TENM2: variants seen among roughly 807,000 people sequenced by gnomAD.
The protein encoded by TENM2 is teneurin transmembrane protein 2, also known as teneurin-2.
TENM2 carries 52 observed loss-of-function variants against 245.2 expected under a neutral mutation model. The observed-to-expected ratio is 0.21, with a 90% CI of 0.17 to 0.27. The LOEUF (loss-of-function observed/expected upper bound fraction) is 0.27. Ranked by LOEUF, TENM2 falls within the 10% of genes least tolerant of loss-of-function variation. The pLI, the probability that TENM2 is intolerant of heterozygous loss-of-function variation, is 1.00. For synonymous variants in TENM2, 1,363 were observed against 1,438.9 expected (o/e 0.95, Z 1.19); for missense variants, 3,046 against 3,666.8 (o/e 0.83, Z 4.37).
chr5:167,817,900 T>C (rs1333126969), intron 2 of TENM2, among the ~76,000 whole-genome samples: 1 of 152,174 alleles, frequency 6.6e-6, no homozygotes, highest in Non-Finnish European at 1.5e-5. Flanking sequence ...CCTGTCACCT[T>C]TGCCCTCCTT....
chr5:167,168,751 AT>A, the TENM2 span, among the ~76,000 whole-genome samples: 6 of 151,922 alleles, frequency 3.9e-5, no homozygotes, highest in Admixed American at 3.3e-4. Context: ...GCCTGAGTTT[AT>A]TTTTTTTAAT....
chr5:167,425,145 A>G (rs762942243), intron 2 of TENM2, among the ~76,000 whole-genome samples: 1 of 152,220 alleles, frequency 6.6e-6, no homozygotes, highest in Non-Finnish European at 1.5e-5. Flanking sequence ...TATAAATATG[A>G]GAGTTCAAAG....
In TENM2 at chr5:167,576,418, A is replaced by G. The variant is rs1342472482; in HGVS notation, c.502+200945A>G. 1.9e-4 allele frequency among the ~76,000 whole-genome samples: 29 copies of G among 152,032 alleles called. 1 individual carries two copies. The highest frequency in any genetic ancestry group is 1.8e-3 in the Admixed American group (28 of 15,262). The stretch of plus-strand genomic sequence containing the variant: ...ATTCTTCTCCCCAAACTCTGCTGAT[A>G]GCATTTTGCATAATTTGCTAATTAA... On this transcript the variant is annotated intron_variant, in intron 2 of 28. Transcript: ENST00000518659.
intron 2 of TENM2, among the ~76,000 whole-genome samples, chr5:167,420,082 C>T (rs1156552625): frequency 1.3e-5 from 2 of 152,180 alleles, no homozygotes; most frequent in Non-Finnish European, 2.9e-5. Flanking sequence ...TTATACTTTG[C>T]AAAAGGTCAC....
At chr5:167,021,668 A>G in the TENM2 span, among the ~76,000 whole-genome samples, 1 of 152,232 alleles carries the variant, frequency 6.6e-6, no homozygotes, top group Non-Finnish European at 1.5e-5. Flanking sequence ...TCTTTGTCTC[A>G]GTGTTCTGTA....
chr5:167,809,573 T>G (rs1288574961), intron 2 of TENM2, among the ~76,000 whole-genome samples: 1 of 152,174 alleles, frequency 6.6e-6, no homozygotes, highest in Non-Finnish European at 1.5e-5. Flanking sequence ...TGGAAAAGTT[T>G]TCTGAATAGT....
intron 2 of TENM2, among the ~76,000 whole-genome samples, chr5:167,389,355 A>G (rs1459735172): frequency 6.6e-6 from 1 of 151,822 alleles, no homozygotes; most frequent in Non-Finnish European, 1.5e-5. Flanking sequence ...TGATGCATAT[A>G]TCCTTCAGTC....
the TENM2 span, among the ~76,000 whole-genome samples, chr5:167,057,413 A>T: frequency 6.6e-6 from 1 of 152,114 alleles, no homozygotes; most frequent in African/African-American, 2.4e-5. Context: ...TTGTTCAAAG[A>T]TGGGCATGGT....
At chr5:167,700,500 T>C (rs1005544866) in intron 2 of TENM2, among the ~76,000 whole-genome samples, 9 of 152,074 alleles carry the variant, frequency 5.9e-5, no homozygotes, top group Admixed American at 5.2e-4. Flanking sequence ...ACCTATGAGA[T>C]TGTTAAACGT....
At chr5:168,008,106 G>A (rs1164515253) in intron 5 of TENM2, among the ~76,000 whole-genome samples, 1 of 152,192 alleles carries the variant, frequency 6.6e-6, no homozygotes, top group East Asian at 1.9e-4. Flanking sequence ...TTCAGAGAAG[G>A]GAGAAACTCC....
At chr5:167,435,736 GA>G (rs1424034289) in intron 2 of TENM2, among the ~76,000 whole-genome samples, 1 of 152,106 alleles carries the variant, frequency 6.6e-6, no homozygotes, top group Non-Finnish European at 1.5e-5. Flanking sequence ...ACTCCCTAGA[GA>G]CTTGTTGAAT....
intron 2 of TENM2, among the ~76,000 whole-genome samples, chr5:167,737,372 C>T (rs963428022): frequency 2.6e-5 from 4 of 152,120 alleles, no homozygotes; most frequent in African/African-American, 4.8e-5. Context: ...AGTGCCTGCT[C>T]GAAAGAGCCA....
intron 2 of TENM2, among the ~76,000 whole-genome samples, chr5:167,495,954 A>C (rs549795832): frequency 6.6e-6 from 1 of 152,100 alleles, no homozygotes; most frequent in South Asian, 2.1e-4. Flanking sequence ...AAGATGTTGC[A>C]AAGTATTACA....
the TENM2 span, among the ~76,000 whole-genome samples, chr5:167,198,265 A>G: frequency 6.6e-6 from 1 of 152,100 alleles, no homozygotes; most frequent in African/African-American, 2.4e-5. Flanking sequence ...AAGAAACCAG[A>G]TATCTAGAGA....
In TENM2 at chr5:168,012,382, C is replaced by T. The variant is rs539401932; in HGVS notation, c.1186+19200C>T. Among the ~76,000 whole-genome samples the T allele has an allele frequency of 3.9e-5, 6 of 152,290 alleles. No individual in the cohort carries two copies. The South Asian group carries it at 1.2e-3, about 32-fold the overall frequency. The stretch of plus-strand genomic sequence containing the variant: ...GTGAGGCCAGGCACAGAGGCTCACA[C>T]TTGTAATCGCTGCGCTTTGGGAGGC... On this transcript the variant is annotated intron_variant, in intron 5 of 28. Transcript: ENST00000518659.
intron 2 of TENM2, among the ~76,000 whole-genome samples, chr5:167,689,268 C>G (rs1275942437): frequency 6.6e-6 from 1 of 152,164 alleles, no homozygotes; most frequent in African/African-American, 2.4e-5. Context: ...GCAGCACATT[C>G]TAAAACAGTG....
the TENM2 span, among the ~76,000 whole-genome samples, chr5:167,273,533 A>T: frequency 6.6e-6 from 1 of 152,194 alleles, no homozygotes; most frequent in Non-Finnish European, 1.5e-5. Context: ...TTATTAAAAG[A>T]TGGCTATTCA....
intron 5 of TENM2, among the ~76,000 whole-genome samples, chr5:168,006,185 A>G (rs1279664286): frequency 6.6e-6 from 1 of 152,160 alleles, no homozygotes; most frequent in Non-Finnish European, 1.5e-5. Flanking sequence ...CCAGCATCCT[A>G]AGAGACTCTA....
At chr5:167,346,734 C>A (rs1396977855) in intron 1 of TENM2, among the ~76,000 whole-genome samples, 2 of 151,980 alleles carry the variant, frequency 1.3e-5, no homozygotes, top group Non-Finnish European at 2.9e-5. Context: ...AGGAATGTAG[C>A]CAGAATATTG....
Sources: allele counts gnomAD v4.1 joint callset (sites outside exome capture counted in the v4.1 genomes callset), GRCh38; gene constraint gnomAD v4.1.1; transcripts MANE v1.5; gene names NCBI Gene and HGNC (gene_info 2026-07-23, HGNC 2026-07-21).